Variants in AK1 observed in about 807,000 individuals in gnomAD.
The protein encoded by AK1 is adenylate kinase isoenzyme 1.
AK1 carries 13 observed loss-of-function variants against 23.9 expected under a neutral mutation model. The ratio of observed to expected loss-of-function variants is 0.54; its 90% CI spans 0.35 to 0.86. The LOEUF (loss-of-function observed/expected upper bound fraction) is 0.86, where lower values mean the gene tolerates loss of function less well. Ranked by LOEUF, AK1 falls within the 40% of genes least tolerant of loss-of-function variation. The pLI is 0.01. For synonymous variants in AK1, 97 were observed against 102.8 expected (o/e 0.94, Z 0.34); for missense variants, 214 against 255.1 (o/e 0.84, Z 1.10).
chr9:127,874,625 A>T lies in AK1; in HGVS notation c.-8T>A. 2.5e-6 allele frequency: 4 copies of T among 1,613,788 alleles called. No homozygotes were observed. The highest frequency in any genetic ancestry group is 3.4e-6 in the Non-Finnish European group (4 of 1,179,964). Reference sequence around the variant, plus strand: ...GAGGCTCATACCTTCCATCCTGCCGAGGTCCCGGGAGCCGTGTCAGTGCTC... The same window carrying T: ...GAGGCTCATACCTTCCATCCTGCCGTGGTCCCGGGAGCCGTGTCAGTGCTC... On this transcript the variant is annotated 5_prime_UTR_variant, in exon 2 of 7. Transcript: ENST00000644144.
rs905723952 is a variant in AK1, at chr9:127,871,631, C to A, written c.324+192G>T. Among the ~76,000 whole-genome samples the A allele has an allele frequency of 2.0e-5, 3 of 151,568 alleles. No homozygotes were observed. The highest frequency in any genetic ancestry group is 2.9e-5 in the Non-Finnish European group (2 of 68,022). Reference sequence around the variant, plus strand: ...CAGGTTTGGCAACTGCCCCTCCTGGCGCTTCCCCTTCTACACATTTTCTTC... The same window carrying A: ...CAGGTTTGGCAACTGCCCCTCCTGGAGCTTCCCCTTCTACACATTTTCTTC... On this transcript the variant is annotated intron_variant, in intron 5 of 6. Coordinates refer to ENST00000644144, the MANE Select transcript of AK1 (RefSeq NM_000476.3). This position sits in a 1 kb window ranked among gnomAD's most constrained non-coding sequence, Gnocchi z 4.4.
intron 2 of AK1, chr9:127,873,356 C>T (rs755057633): frequency 1.6e-5 from 25 of 1,559,970 alleles, no homozygotes; most frequent in South Asian, 2.3e-5. Flanking sequence ...GCCCTCATGG[C>T]GCCTCCCTGT....
Position 127,877,066 on chromosome 9 carries a change from C to CCTG in AK1, c.-33+554_-33+556dup, listed in dbSNP as rs963472974. Among the ~76,000 whole-genome samples the CCTG allele has an allele frequency of 6.6e-6, 1 of 152,122 alleles. No individual in the cohort carries two copies. Among genetic ancestry groups the CCTG allele is most frequent in the Non-Finnish European group, 1.5e-5 (1 of 68,012 alleles). The stretch of plus-strand genomic sequence containing the variant: ...GTTGGTGTCCCCTCTCTGGGCCTGT[C>CCTG]CTGCTGCTGCTGAGGAGTACCAGGC... On this transcript the variant is annotated intron_variant, in intron 1 of 6. Coordinates refer to ENST00000644144, the MANE Select transcript of AK1 (RefSeq NM_000476.3). This position sits in a 1 kb window ranked among gnomAD's most constrained non-coding sequence, Gnocchi z 5.2.
intron 5 of AK1, among the ~76,000 whole-genome samples, chr9:127,870,492 C>T (rs557842974): frequency 6.6e-6 from 1 of 152,204 alleles, no homozygotes; most frequent in African/African-American, 2.4e-5. Flanking sequence ...AGCCACTGCA[C>T]CCGGCCGACT....
intron 2 of AK1, chr9:127,874,365 C>A: frequency 1.0e-6 from 1 of 985,406 alleles, no homozygotes; most frequent in Non-Finnish European, 1.2e-6. Context: ...ATAAACCCAG[C>A]ATAGGGGGTG....
chr9:127,875,040 G>C, intron 1 of AK1: 1 of 265,120 alleles, frequency 3.8e-6, no homozygotes, highest in Non-Finnish European at 7.6e-6. Context: ...CGTCTGCCCA[G>C]ACACCTTGAC....
intron 2 of AK1, chr9:127,874,360 C>T (rs1381061002): frequency 3.0e-6 from 3 of 985,246 alleles, no homozygotes; most frequent in African/African-American, 3.5e-5. Context: ...GCTCTATAAA[C>T]CCAGCATAGG....
chr9:127,873,156 G>A (rs763718570), intron 2 of AK1, 95 bp from the exon 3 acceptor site: 45 of 1,559,256 alleles, frequency 2.9e-5, no homozygotes, highest in African/African-American at 1.6e-4. Context: ...GGCCCCAGGC[G>A]GAGGGACAGA....
At chr9:127,870,421 G>C (rs1470978131) in intron 5 of AK1, among the ~76,000 whole-genome samples, 1 of 152,062 alleles carries the variant, frequency 6.6e-6, no homozygotes, top group African/African-American at 2.4e-5. Flanking sequence ...GGCTGGTTTT[G>C]ACCCTGACCT....
At position 127,868,256 on chromosome 9, in the gene AK1, A is replaced by G. The variant is rs1829293948; in HGVS notation, c.516+65T>C. ...GGGGCTGGCCTGAGGCCACACAGTGAGCTGAGGCGGAGCCACATAGGAACC... is the reference window on the plus strand; with the variant it reads ...GGGGCTGGCCTGAGGCCACACAGTGGGCTGAGGCGGAGCCACATAGGAACC... On this transcript the variant is annotated intron_variant, in intron 6 of 6. Transcript: ENST00000644144. This position sits in a 1 kb window ranked among gnomAD's most constrained non-coding sequence, Gnocchi z 4.1. 10 of 1,511,364 alleles carry G rather than the reference A, an allele frequency of 6.6e-6. No homozygotes were observed. The South Asian group carries it at 8.4e-5, about 13-fold the overall frequency. The allele number at this position is 1,511,364 out of a possible 1,614,324, so 93.6% of individuals were successfully genotyped here.
chr9:127,874,551 C>T, intron 2 of AK1, 60 bp downstream of exon 2: 1 of 1,612,272 alleles, frequency 6.2e-7, no homozygotes, highest in Non-Finnish European at 8.5e-7. Flanking sequence ...AGAGCGCACC[C>T]CCTTAATAGT....
Position 127,868,603 on chromosome 9 carries a change from A to G in AK1, c.325-91T>C. On this transcript the variant is annotated intron_variant, in intron 5 of 6. Transcript: ENST00000644144. This position sits in a 1 kb window ranked among gnomAD's most constrained non-coding sequence, Gnocchi z 4.1. ...TCCCATCTATGAAGCCCCAGTAGAT[A>G]CCCCCTCAGACCTTCAATCCCTTCC... 5.0e-6 allele frequency: 7 copies of G among 1,394,908 alleles called. No homozygotes were observed. In the South Asian group the frequency reaches 8.7e-5, roughly 17 times the overall value. 86.4% of individuals were successfully genotyped at this position (1,394,908 alleles called of 1,614,324 possible).
At position 127,868,604 on chromosome 9, in the gene AK1, C is replaced by A; in HGVS notation, c.325-92G>T. 1 of 1,394,488 alleles carries A rather than the reference C, an allele frequency of 7.2e-7. No individual in the cohort carries two copies. Among genetic ancestry groups the A allele is most frequent in the South Asian group, 1.2e-5 (1 of 80,736 alleles). The allele number at this position is 1,394,488 out of a possible 1,614,324, so 86.4% of individuals were successfully genotyped here. A position where few individuals can be genotyped will look rare whatever the true frequency, so the allele number is the denominator to read the frequency against. The stretch of plus-strand genomic sequence containing the variant: ...CCCATCTATGAAGCCCCAGTAGATA[C>A]CCCCTCAGACCTTCAATCCCTTCCC... On this transcript the variant is annotated intron_variant, in intron 5 of 6. Transcript: ENST00000644144. This position sits in a 1 kb window ranked among gnomAD's most constrained non-coding sequence, Gnocchi z 4.1.
rs1459445456 is a variant in AK1, at chr9:127,868,989, T to C, written c.325-477A>G. ...CAGGCTCTTCCAGCGCCTTTATCTTTCCTTAAGCAGGTCTCCCAAGGGCCC... is the reference window on the plus strand; with the variant it reads ...CAGGCTCTTCCAGCGCCTTTATCTTCCCTTAAGCAGGTCTCCCAAGGGCCC... On this transcript the variant is annotated intron_variant, in intron 5 of 6. Coordinates refer to ENST00000644144, the MANE Select transcript of AK1 (RefSeq NM_000476.3). This position sits in a 1 kb window ranked among gnomAD's most constrained non-coding sequence, Gnocchi z 4.1. Among the ~76,000 whole-genome samples, 1 of 152,140 alleles carries C rather than the reference T, an allele frequency of 6.6e-6. No individual in the cohort carries two copies. The highest frequency in any genetic ancestry group is 1.5e-5 in the Non-Finnish European group (1 of 68,026).
intron 5 of AK1, among the ~76,000 whole-genome samples, chr9:127,869,126 C>T (rs79904358): frequency 1.4e-3 from 208 of 152,274 alleles, no homozygotes; most frequent in African/African-American, 4.8e-3. Context: ...GAGCAATGTC[C>T]GTGTCATTGG....
At chr9:127,875,882 G>A (rs1197586074) in intron 1 of AK1, among the ~76,000 whole-genome samples, 1 of 152,172 alleles carries the variant, frequency 6.6e-6, no homozygotes, top group Non-Finnish European at 1.5e-5. Flanking sequence ...AGGGGCCTGG[G>A]CCACTGCCCC....
intron 2 of AK1, chr9:127,873,660 C>A: frequency 7.3e-7 from 1 of 1,374,940 alleles, no homozygotes; most frequent in African/African-American, 1.5e-5. Flanking sequence ...TCTCGTCCCG[C>A]CTGCTGTTAG....
intron 5 of AK1, among the ~76,000 whole-genome samples, chr9:127,870,798 AC>A (rs955867456): frequency 1.4e-4 from 7 of 49,546 alleles, no homozygotes; most frequent in Non-Finnish European, 2.6e-4. Flanking sequence ...AGAAGGCCCT[AC>A]GGAGACGGGG....
In AK1 at chr9:127,868,602, T is replaced by TA; in HGVS notation, c.325-91dup. ...TTCCCATCTATGAAGCCCCAGTAGA[T>TA]ACCCCCTCAGACCTTCAATCCCTTC... On this transcript the variant is annotated intron_variant, in intron 5 of 6. Coordinates refer to ENST00000644144, the MANE Select transcript of AK1 (RefSeq NM_000476.3). This position sits in a 1 kb window ranked among gnomAD's most constrained non-coding sequence, Gnocchi z 4.1. The TA allele has an allele frequency of 1.4e-6, 2 of 1,436,774 alleles. No homozygotes were observed. Among genetic ancestry groups the TA allele is most frequent in the Non-Finnish European group, 1.9e-6 (2 of 1,053,194 alleles). 89.0% of individuals were successfully genotyped at this position (1,436,774 alleles called of 1,614,324 possible). A position where few individuals can be genotyped will look rare whatever the true frequency, so the allele number is the denominator to read the frequency against.
Sources: allele counts gnomAD v4.1 joint callset (sites outside exome capture counted in the v4.1 genomes callset), GRCh38; gene constraint gnomAD v4.1.1; non-coding constraint Gnocchi (gnomAD v3.1); transcripts MANE v1.5; gene names NCBI Gene and HGNC (gene_info 2026-07-23, HGNC 2026-07-21).